Variants in BABAM2 observed in about 807,000 individuals in gnomAD.
BABAM2 encodes BRISC and BRCA1-A complex member 2.
BABAM2 carries 31 observed loss-of-function variants against 54.7 expected under a neutral mutation model. The ratio of observed to expected loss-of-function variants is 0.57; its 90% CI spans 0.43 to 0.77. The LOEUF (loss-of-function observed/expected upper bound fraction) is 0.77, where lower values mean the gene tolerates loss of function less well. Among genes scored for constraint, BABAM2 ranks in the 30% least tolerant of loss-of-function variants. The pLI, the probability that BABAM2 is intolerant of heterozygous loss-of-function variation, is 0.00. For missense variants in BABAM2, 364 were observed against 455.8 expected, an observed-to-expected ratio of 0.80 and a Z score of 1.83; for synonymous variants, 167 against 162.9, an observed-to-expected ratio of 1.03 and a Z score of -0.19.
intron 11 of BABAM2, among the ~76,000 whole-genome samples, chr2:28,335,830 C>A (rs958977107): frequency 1.3e-5 from 2 of 152,158 alleles, no homozygotes; most frequent in East Asian, 3.9e-4. Flanking sequence ...AAGGGAGAGG[C>A]AGTAGATCCA....
At chr2:27,943,517 T>C (rs1471161637) in intron 3 of BABAM2, among the ~76,000 whole-genome samples, 1 of 152,214 alleles carries the variant, frequency 6.6e-6, no homozygotes, top group African/African-American at 2.4e-5. Flanking sequence ...TATTTGGTTT[T>C]TCATTCGCGC....
At chr2:28,224,038 T>C (rs1205308093) in intron 7 of BABAM2, among the ~76,000 whole-genome samples, 1 of 152,180 alleles carries the variant, frequency 6.6e-6, no homozygotes, top group African/African-American at 2.4e-5. Context: ...ACAGATGATG[T>C]TGAAGAAGAG....
At chr2:28,168,751 A>C (rs1673994053) in intron 7 of BABAM2, among the ~76,000 whole-genome samples, 1 of 152,198 alleles carries the variant, frequency 6.6e-6, no homozygotes, top group South Asian at 2.1e-4. Flanking sequence ...TTCGAGTCAG[A>C]CTTGAAAACA....
intron 6 of BABAM2, among the ~76,000 whole-genome samples, chr2:28,102,472 G>GC (rs1667169843): frequency 6.6e-6 from 1 of 152,120 alleles, no homozygotes; most frequent in Non-Finnish European, 1.5e-5. Context: ...TTCATTTCAA[G>GC]CCCCTGTGTC....
At chr2:28,074,012 CACACACATATAT>C (rs1344212138) in intron 6 of BABAM2, among the ~76,000 whole-genome samples, 3 of 148,168 alleles carry the variant, frequency 2.0e-5, no homozygotes, top group Admixed American at 6.7e-5. Context: ...CACATATATA[CACACACATATAT>C]ACACATATAT....
At chr2:28,063,834 G>A (rs1194655528) in intron 6 of BABAM2, among the ~76,000 whole-genome samples, 1 of 152,102 alleles carries the variant, frequency 6.6e-6, no homozygotes, top group African/African-American at 2.4e-5. Flanking sequence ...AAAAAATCTT[G>A]ACTCATCCAG....
At chr2:27,970,768 C>T (rs538459595) in intron 3 of BABAM2, among the ~76,000 whole-genome samples, 1 of 152,210 alleles carries the variant, frequency 6.6e-6, no homozygotes, top group East Asian at 1.9e-4. Flanking sequence ...TTACTGGTCA[C>T]ACTTAAAAAA....
intron 3 of BABAM2, among the ~76,000 whole-genome samples, chr2:27,970,953 C>T (rs1422031942): frequency 6.6e-6 from 1 of 152,068 alleles, no homozygotes; most frequent in Non-Finnish European, 1.5e-5. Flanking sequence ...TCAGTTTAAA[C>T]ATATTTGTCA....
At chr2:28,240,109 C>CA (rs1553347898) in intron 8 of BABAM2, among the ~76,000 whole-genome samples, 2 of 142,962 alleles carry the variant, frequency 1.4e-5, no homozygotes, top group Non-Finnish European at 3.1e-5. Context: ...TTTCTTTTTT[C>CA]TTTTTTTTTT....
At chr2:27,921,501 T>G (rs1458007854) in intron 2 of BABAM2, among the ~76,000 whole-genome samples, 1 of 152,118 alleles carries the variant, frequency 6.6e-6, no homozygotes, top group Non-Finnish European at 1.5e-5. Flanking sequence ...TATTGAGAGA[T>G]GGTTTAATGT....
chr2:28,265,417 A>C, intron 10 of BABAM2, among the ~76,000 whole-genome samples: 1 of 152,022 alleles, frequency 6.6e-6, no homozygotes, highest in Non-Finnish European at 1.5e-5. Context: ...ACAGAGCGAG[A>C]CTCTGTCTCA....
chr2:27,918,925 A>G (rs1667167670), intron 2 of BABAM2, among the ~76,000 whole-genome samples: 3 of 152,112 alleles, frequency 2.0e-5, no homozygotes, highest in African/African-American at 7.2e-5. Flanking sequence ...TTTGAGCTCA[A>G]GTGATCCACC....
At chr2:28,245,684 C>T (rs1682853133) in intron 10 of BABAM2, among the ~76,000 whole-genome samples, 1 of 152,198 alleles carries the variant, frequency 6.6e-6, no homozygotes, top group South Asian at 2.1e-4. Context: ...AAGGAGCCAA[C>T]TTTCCCAGCT....
chr2:28,201,641 G>C (rs1678281664), intron 7 of BABAM2, among the ~76,000 whole-genome samples: 1 of 152,038 alleles, frequency 6.6e-6, no homozygotes, highest in South Asian at 2.1e-4. Flanking sequence ...TTAATATAAA[G>C]GAAAGAAAAA....
intron 6 of BABAM2, among the ~76,000 whole-genome samples, chr2:28,064,335 G>A (rs562034375): frequency 9.8e-4 from 149 of 152,258 alleles, no homozygotes; most frequent in African/African-American, 3.4e-3. Context: ...AAGTATATTG[G>A]CCTGTCCAGG....
rs978930726 is a variant in BABAM2 at position 28,205,398 on chromosome 2, G to A, written c.681-31804G>A. On this transcript the variant is annotated intron_variant, in intron 7 of 11. Transcript: ENST00000379624. ...CGTGCCTGTGGTCCTAGCTACTCGG[G>A]AGGCTGAGGCAGAAGGATCACTTGA... Among the ~76,000 whole-genome samples, 22 of 151,270 alleles carry A rather than the reference G, an allele frequency of 1.5e-4. No homozygotes were observed. The East Asian group carries it at 4.1e-3, about 28-fold the overall frequency.
chr2:28,117,942 TTTTC>T (rs1287660420), intron 6 of BABAM2, among the ~76,000 whole-genome samples: 1 of 152,198 alleles, frequency 6.6e-6, no homozygotes, highest in African/African-American at 2.4e-5. Context: ...ATCTTCTACC[TTTTC>T]TTTAAGTTAT....
intron 5 of BABAM2, among the ~76,000 whole-genome samples, chr2:28,041,086 A>G (rs1287258967): frequency 6.6e-6 from 1 of 152,234 alleles, no homozygotes; most frequent in African/African-American, 2.4e-5. Flanking sequence ...AATGAGTCCA[A>G]GTGCTAAATA....
At chr2:28,310,768 C>T (rs1689006496) in intron 11 of BABAM2, among the ~76,000 whole-genome samples, 1 of 152,050 alleles carries the variant, frequency 6.6e-6, no homozygotes, top group South Asian at 2.1e-4. Context: ...TCTGTAATCC[C>T]AGCTACTTAG....
Sources: allele counts gnomAD v4.1 joint callset (sites outside exome capture counted in the v4.1 genomes callset), GRCh38; gene constraint gnomAD v4.1.1; transcripts MANE v1.5; gene names NCBI Gene and HGNC (gene_info 2026-07-23, HGNC 2026-07-21).